The following NDE1 variants were observed in gnomAD, a reference collection of about 807,000 sequenced individuals.
NDE1 encodes nuclear distribution protein nudE homolog 1.
In NDE1, 28 loss-of-function variants were observed where a neutral mutation model predicts 43.4. The ratio of observed to expected loss-of-function variants is 0.65; its 90% confidence interval spans 0.48 to 0.89. The LOEUF is 0.89. NDE1 is among the 40% of genes least tolerant of loss of function. The pLI, the probability that NDE1 is intolerant of heterozygous loss-of-function variation, is 0.00. For missense variants in NDE1, 441 were observed against 434.1 expected, an observed-to-expected ratio of 1.02 and a Z score of -0.14; for synonymous variants, 184 against 172.0, an observed-to-expected ratio of 1.07 and a Z score of -0.55.
At chr16:15,691,098 G>A (rs558717336) in intron 5 of NDE1, 46 bp from the exon 6 acceptor site, 1 of 1,612,506 alleles carries the variant, frequency 6.2e-7, no homozygotes, top group Non-Finnish European at 8.5e-7. Flanking sequence ...ATGAGCCACT[G>A]CGCCTGGCTG....
intron 8 of NDE1, chr16:15,718,287 G>C: frequency 6.2e-7 from 1 of 1,606,770 alleles, no homozygotes; most frequent in African/African-American, 1.3e-5. Flanking sequence ...AGTAGGCAGC[G>C]TGACTGTGGT....
chr16:15,704,179 G>T, intron 8 of NDE1: 1 of 1,603,770 alleles, frequency 6.2e-7, no homozygotes, highest in Non-Finnish European at 8.5e-7. Flanking sequence ...GGTTGGGATA[G>T]ATTTTTTATA....
intron 3 of NDE1, among the ~76,000 whole-genome samples, chr16:15,673,672 G>A (rs1159282611): frequency 6.6e-6 from 1 of 151,904 alleles, no homozygotes; most frequent in Admixed American, 6.6e-5. Context: ...AGCTAGGACT[G>A]CAGGTGCATG....
At chr16:15,695,801 C>T in intron 7 of NDE1, 1 of 767,796 alleles carries the variant, frequency 1.3e-6, no homozygotes, top group Non-Finnish European at 1.6e-6. Context: ...AGTATTTAGC[C>T]TAGTTGGAGT....
intron 1 of NDE1, among the ~76,000 whole-genome samples, chr16:15,661,038 C>T (rs899939776): frequency 6.6e-6 from 1 of 152,116 alleles, no homozygotes; most frequent in Admixed American, 6.6e-5. Context: ...CAATTTCAAC[C>T]CTGAGTTTCA....
chr16:15,666,495 G>C (rs993875193), intron 2 of NDE1, among the ~76,000 whole-genome samples: 1 of 152,178 alleles, frequency 6.6e-6, no homozygotes, highest in Admixed American at 6.5e-5. Context: ...TATAGTCTCA[G>C]CTACTTGGGA....
chr16:15,708,195 C>A (rs1054272164), intron 8 of NDE1, among the ~76,000 whole-genome samples: 1 of 152,156 alleles, frequency 6.6e-6, no homozygotes, highest in Non-Finnish European at 1.5e-5. Context: ...TCACTCAAGC[C>A]ACGTGCAGCC....
intron 2 of NDE1, among the ~76,000 whole-genome samples, chr16:15,666,391 C>G (rs577256949): frequency 9.9e-5 from 15 of 151,926 alleles, no homozygotes; most frequent in Non-Finnish European, 2.2e-4. Context: ...AGGCAGATCA[C>G]TTGAGCTCAG....
chr16:15,718,067 G>A (rs1411141236), intron 8 of NDE1: 5 of 593,134 alleles, frequency 8.4e-6, no homozygotes, highest in Non-Finnish European at 1.2e-5. Flanking sequence ...ATGGCCGTGA[G>A]GTACGGGGAG....
chr16:15,720,335 T>C, intron 8 of NDE1: 1 of 1,610,500 alleles, frequency 6.2e-7, no homozygotes, highest in East Asian at 2.2e-5. Flanking sequence ...TAGAGATGTG[T>C]GCTGCCCCAC....
intron 4 of NDE1, chr16:15,684,237 GAAAA>G (rs201884482): frequency 6.7e-6 from 1 of 149,060 alleles, no homozygotes; most frequent in African/African-American, 2.5e-5. Context: ...TCTCAAAAAA[GAAAA>G]AAAAAGGTGA....
chr16:15,715,339 C>A, intron 8 of NDE1: 1 of 1,501,836 alleles, frequency 6.7e-7, no homozygotes. Flanking sequence ...GGTGTGTCAC[C>A]TGGAGGTGGC....
intron 7 of NDE1, among the ~76,000 whole-genome samples, chr16:15,696,390 A>C (rs1385865503): frequency 2.0e-5 from 3 of 151,192 alleles, no homozygotes; most frequent in African/African-American, 4.9e-5. Context: ...ACAAAACAAA[A>C]AAAAAAACTG....
chr16:15,715,076 C>G lies in NDE1; in HGVS notation c.948-9115C>G, dbSNP rs762821036. 2.5e-6 allele frequency: 4 copies of G among 1,613,016 alleles called. No homozygotes were observed. In the Admixed American group the frequency reaches 6.7e-5, roughly 27 times the overall value. On this transcript the variant is annotated intron_variant, in intron 8 of 8. Coordinates refer to ENST00000396354, the MANE Select transcript of NDE1 (RefSeq NM_017668.3). ...GCTGCTTGACCCTGGCATTGCCTTT[C>G]TCTGCCTGTCGCGGAGAGTTGGAGG...
intron 4 of NDE1, chr16:15,684,627 C>T (rs1201167731): frequency 6.7e-6 from 1 of 150,018 alleles, no homozygotes; most frequent in Non-Finnish European, 1.5e-5. Context: ...ATTCCAGAAG[C>T]AAAATAGATT....
chr16:15,709,783 C>T (rs1293380425), intron 8 of NDE1, among the ~76,000 whole-genome samples: 1 of 152,200 alleles, frequency 6.6e-6, no homozygotes, highest in African/African-American at 2.4e-5. Context: ...AAGGAACCTG[C>T]AGCCGCCTGT....
intron 8 of NDE1, chr16:15,701,191 T>G (rs1180588): frequency 6.7e-6 from 1 of 150,148 alleles, no homozygotes; most frequent in Non-Finnish European, 1.5e-5. Flanking sequence ...GAGCCAAGAT[T>G]GCGCTACTGT....
At chr16:15,647,497 G>C (rs920539086), upstream of NDE1, among the ~76,000 whole-genome samples, 1 of 150,092 alleles carries the variant, frequency 6.7e-6, no homozygotes, top group Non-Finnish European at 1.5e-5. Flanking sequence ...CTGTGGTTCA[G>C]TTGCATGGTC....
At chr16:15,666,313 T>C (rs1287860452) in intron 2 of NDE1, among the ~76,000 whole-genome samples, 1 of 152,112 alleles carries the variant, frequency 6.6e-6, no homozygotes, top group Non-Finnish European at 1.5e-5. Context: ...TTAGTTTCTT[T>C]CATTTATTGA....
Sources: allele counts gnomAD v4.1 joint callset (sites outside exome capture counted in the v4.1 genomes callset), GRCh38; gene constraint gnomAD v4.1.1; transcripts MANE v1.5; gene names NCBI Gene and HGNC (gene_info 2026-07-23, HGNC 2026-07-21).